The following GALNT14 variants were observed in gnomAD, a reference collection of about 807,000 sequenced individuals.
GALNT14 encodes the protein UDP-GalNAc:polypeptide N-acetylgalactosaminyltransferase 14.
A neutral mutation model predicts 77.5 loss-of-function variants in GALNT14; 60 were observed. That is an observed-to-expected ratio of 0.77 (90% CI 0.63 to 0.96). The LOEUF is 0.96. GALNT14 is among the 40% of genes least tolerant of loss of function. The probability of loss-of-function intolerance (pLI) is 0.00; values close to 1 mark genes in which losing one functional copy is unlikely to be tolerated. For missense variants in GALNT14, 710 were observed against 731.0 expected, an observed-to-expected ratio of 0.97 and a Z score of 0.33; for synonymous variants, 280 against 281.7, an observed-to-expected ratio of 0.99 and a Z score of 0.06.
At chr2:30,954,787 G>A (rs1390511901) in intron 6 of GALNT14, among the ~76,000 whole-genome samples, 1 of 152,198 alleles carries the variant, frequency 6.6e-6, no homozygotes, top group Non-Finnish European at 1.5e-5. Context: ...TTCTGGTGCT[G>A]GTGGTACCAA....
rs41280617 is a variant in GALNT14 at position 30,966,285 on chromosome 2, T to G, written c.317A>C (p.Tyr106Ser). 122 of 1,613,684 alleles carry G rather than the reference T, an allele frequency of 7.6e-5. No homozygotes were observed. The highest frequency in any genetic ancestry group is 9.4e-5 in the Non-Finnish European group (111 of 1,179,710). ...TRHLRCTLLV[Y>S]CTDLPPTSII... ...GCTAGTGGGTGGAAGGTCCGTGCAA[T>G]ACACCAGCAGTGTGCATCTGGGGAA... is the stretch of plus-strand genomic sequence containing the variant. Residue 106 changes from tyrosine to serine, a missense_variant, in exon 3 of 15, where the codon TAT becomes TCT. Coordinates refer to ENST00000349752, the MANE Select transcript of GALNT14 (RefSeq NM_024572.4).
rs201241936 is a variant in GALNT14 at position 31,086,559 on chromosome 2, T to TG, written c.129+51398dup. On this transcript the variant is annotated intron_variant, in intron 1 of 14. Transcript: ENST00000349752. ...TTAGCAGTTTTTCAGCCTTTCAGTG[T>TG]GAAAAAAAAAAACCATAAAAGGGTA... 6.2e-3 allele frequency among the ~76,000 whole-genome samples: 937 copies of TG among 150,720 alleles called. 10 individuals carry two copies. Among genetic ancestry groups the TG allele is most frequent in the African/African-American group, 0.022 (903 of 41,062 alleles).
At chr2:30,890,179 C>T in the GALNT14 span, among the ~76,000 whole-genome samples, 3 of 152,148 alleles carry the variant, frequency 2.0e-5, no homozygotes, top group Admixed American at 2.0e-4. Context: ...ATGCTGAGGG[C>T]GGGGACCCAC....
chr2:31,048,656 G>A (rs980123777), intron 1 of GALNT14, among the ~76,000 whole-genome samples: 1 of 143,548 alleles, frequency 7.0e-6, no homozygotes, highest in Non-Finnish European at 1.5e-5. Flanking sequence ...TCCTCCTATG[G>A]AGTTCTGCCA....
At chr2:30,956,627 C>T (rs1322316799) in intron 4 of GALNT14, among the ~76,000 whole-genome samples, 1 of 152,244 alleles carries the variant, frequency 6.6e-6, no homozygotes, top group Non-Finnish European at 1.5e-5. Flanking sequence ...CTGCCTCAGC[C>T]TCCCAGATAG....
intron 1 of GALNT14, among the ~76,000 whole-genome samples, chr2:31,032,576 C>G (rs763935303): frequency 6.6e-6 from 1 of 152,186 alleles, no homozygotes; most frequent in Admixed American, 6.5e-5. Context: ...TGTGAAATGA[C>G]TGAGCAGCCC....
At chr2:31,110,201 C>G (rs545882664) in intron 1 of GALNT14, among the ~76,000 whole-genome samples, 1 of 148,180 alleles carries the variant, frequency 6.7e-6, no homozygotes, top group South Asian at 2.1e-4. Context: ...TTCCTTCTCC[C>G]TTTCTTACCT....
At chr2:30,979,153 AT>A (rs1373089291) in intron 2 of GALNT14, among the ~76,000 whole-genome samples, 1 of 152,228 alleles carries the variant, frequency 6.6e-6, no homozygotes, top group African/African-American at 2.4e-5. Flanking sequence ...ATCCTTCTGC[AT>A]TTAGAAAGCC....
intron 1 of GALNT14, among the ~76,000 whole-genome samples, chr2:31,123,006 C>G (rs2148640808): frequency 6.6e-6 from 1 of 152,008 alleles, no homozygotes; most frequent in Admixed American, 6.5e-5. Flanking sequence ...ACAGTGAAAC[C>G]CTGTCTCTAC....
At chr2:31,007,639 G>A (rs1246042197) in intron 1 of GALNT14, among the ~76,000 whole-genome samples, 2 of 152,054 alleles carry the variant, frequency 1.3e-5, no homozygotes, top group Non-Finnish European at 2.9e-5. Flanking sequence ...AATCAAATCC[G>A]GTAACTGGAT....
chr2:31,128,930 T>A (rs1049670063), intron 1 of GALNT14, among the ~76,000 whole-genome samples: 1 of 151,524 alleles, frequency 6.6e-6, no homozygotes, highest in Non-Finnish European at 1.5e-5. Flanking sequence ...CCTTAATCCC[T>A]TTTCCAGTTC....
Position 31,095,266 on chromosome 2 carries a change from T to G in GALNT14, c.129+42692A>C, listed in dbSNP as rs531175886. 4.6e-5 allele frequency among the ~76,000 whole-genome samples: 7 copies of G among 152,306 alleles called. No individual in the cohort carries two copies. In the East Asian group the frequency reaches 1.4e-3, roughly 29 times the overall value. ...TGACCAGCAGGATCCCACCCAGCCC[T>G]CATAGTCTACAAATTTCAACCTTGC... On this transcript the variant is annotated intron_variant, in intron 1 of 14. Transcript: ENST00000349752.
chr2:30,994,281 C>T lies in GALNT14; in HGVS notation c.130-1274G>A, dbSNP rs532446278. Among the ~76,000 whole-genome samples, 22 of 152,262 alleles carry T rather than the reference C, an allele frequency of 1.4e-4. No individual in the cohort carries two copies. The South Asian group carries it at 4.4e-3, about 30-fold the overall frequency. ...ACTAAGGGCACTGAGCTGAGAGCTGCCCATCCCATTACTGAGTAGAATGCA... is the reference window on the plus strand; with the variant it reads ...ACTAAGGGCACTGAGCTGAGAGCTGTCCATCCCATTACTGAGTAGAATGCA... On this transcript the variant is annotated intron_variant, in intron 1 of 14. Transcript: ENST00000349752.
chr2:30,887,557 A>T, the GALNT14 span, among the ~76,000 whole-genome samples: 1 of 152,090 alleles, frequency 6.6e-6, no homozygotes, highest in Non-Finnish European at 1.5e-5. Flanking sequence ...GTTTTATTTC[A>T]GGTAAGTTGT....
At chr2:31,025,652 T>C (rs1291023984) in intron 1 of GALNT14, among the ~76,000 whole-genome samples, 1 of 152,124 alleles carries the variant, frequency 6.6e-6, no homozygotes, top group Non-Finnish European at 1.5e-5. Context: ...GTTGAAAGCA[T>C]CTGTAACATG....
chr2:30,968,155 C>T (rs1668124466), intron 2 of GALNT14, among the ~76,000 whole-genome samples: 1 of 152,236 alleles, frequency 6.6e-6, no homozygotes, highest in South Asian at 2.1e-4. Flanking sequence ...AAGGCCCATG[C>T]CCTTGTCCAT....
At chr2:30,927,837 C>T (rs1400212694) in intron 11 of GALNT14, among the ~76,000 whole-genome samples, 5 of 152,230 alleles carry the variant, frequency 3.3e-5, no homozygotes, top group East Asian at 1.9e-4. Flanking sequence ...CTGAGACTGA[C>T]GACCACGGTG....
At chr2:31,020,210 A>G (rs574807928) in intron 1 of GALNT14, among the ~76,000 whole-genome samples, 1 of 152,224 alleles carries the variant, frequency 6.6e-6, no homozygotes, top group African/African-American at 2.4e-5. Flanking sequence ...ATCATTATCC[A>G]GGAGATGAAA....
chr2:31,130,778 G>GCGCGCGCC (rs1231348345), intron 1 of GALNT14, among the ~76,000 whole-genome samples: 105 of 140,836 alleles, frequency 7.5e-4, no homozygotes, highest in East Asian at 2.0e-3. Context: ...GTGTGTGTGT[G>GCGCGCGCC]TGTGTGCGCG....
Sources: allele counts gnomAD v4.1 joint callset (sites outside exome capture counted in the v4.1 genomes callset), GRCh38; gene constraint gnomAD v4.1.1; transcripts MANE v1.5; gene names NCBI Gene and HGNC (gene_info 2026-07-23, HGNC 2026-07-21).